The following UBR2 variants were observed in gnomAD, a reference collection of about 807,000 sequenced individuals.
The protein encoded by UBR2 is E3 ubiquitin-protein ligase UBR2.
UBR2 carries 92 observed loss-of-function variants against 247.9 expected under a neutral mutation model. That is an observed-to-expected ratio of 0.37 (90% CI 0.31 to 0.44). The LOEUF (loss-of-function observed/expected upper bound fraction) is 0.44, where lower values mean the gene tolerates loss of function less well. UBR2 is among the 20% of genes least tolerant of loss of function. The pLI is 1.00. For missense variants in UBR2, 1,613 were observed against 2,112.6 expected (o/e 0.76, Z 4.64); for synonymous variants, 672 against 693.5 (o/e 0.97, Z 0.49).
chr6:42,645,765 A>G (rs1205067914), intron 21 of UBR2, among the ~76,000 whole-genome samples, 175 bp downstream of exon 21: 2 of 152,240 alleles, frequency 1.3e-5, no homozygotes, highest in Non-Finnish European at 2.9e-5. Context: ...GAATAGGAGT[A>G]GAAAACAGAA....
chr6:42,644,681 C>G, intron 20 of UBR2, 145 bp downstream of exon 20: 1 of 662,948 alleles, frequency 1.5e-6, no homozygotes, highest in Non-Finnish European at 2.5e-6. Context: ...CTCTTTTTCT[C>G]CCCTCTGGTT....
intron 11 of UBR2, chr6:42,620,491 T>TG (rs775924293): frequency 0.079 from 10,113 of 127,238 alleles, 527 homozygotes; most frequent in South Asian, 0.14. Context: ...GTTTTTTTTT[T>TG]TTGTTTTTGT....
At position 42,659,680 on chromosome 6, in the gene UBR2, TAC is replaced by T; in HGVS notation, c.3269_3270del (p.Thr1090SerfsTer11). ...GCCCTGTGGCTTCAGATATGACACT[TAC>T]AGCACTGGGCCCCGCACAAACTCAG... ...HSPVASDMTLTALGPAQTQVP... is the reference protein window; with the variant it reads ...HSPVASDMTLXALGPAQTQVP... On this transcript the variant is annotated frameshift_variant, in exon 30 of 47. Coordinates refer to ENST00000372901, the MANE Select transcript of UBR2 (RefSeq NM_001363705.2). LOFTEE classifies it high-confidence loss of function. The surrounding 1 kb of genome is among the most constrained non-coding windows in gnomAD (Gnocchi z 4.3). The T allele has an allele frequency of 6.2e-7, 1 of 1,613,926 alleles. No individual in the cohort carries two copies. The highest frequency in any genetic ancestry group is 8.5e-7 in the Non-Finnish European group (1 of 1,179,910).
chr6:42,648,276 A>G, intron 22 of UBR2, 106 bp downstream of exon 22: 1 of 875,122 alleles, frequency 1.1e-6, no homozygotes, highest in East Asian at 2.5e-5. Context: ...TGCAGCTTTC[A>G]GAGATTGACA....
At chr6:42,650,066 G>A (rs1362465324) in intron 22 of UBR2, among the ~76,000 whole-genome samples, 1 of 152,206 alleles carries the variant, frequency 6.6e-6, no homozygotes, top group African/African-American at 2.4e-5. Context: ...ACGTTCACTT[G>A]TCTAGTTAGG....
In UBR2 at chr6:42,594,185, T is replaced by C. The variant is rs1792831475; in HGVS notation, c.418-6T>C. 1 of 1,607,310 alleles carries C rather than the reference T, an allele frequency of 6.2e-7. No homozygotes were observed. Among genetic ancestry groups the C allele is most frequent in the Middle Eastern group, 1.7e-4 (1 of 6,030 alleles). On this transcript the variant is annotated splice_region_variant and splice_polypyrimidine_tract_variant and intron_variant, in intron 3 of 46. Transcript: ENST00000372901. ...TTGACAAGATACTTTACAATTTTTT[T>C]CCAAGATGACAACATCAGGAGGTGG... is the stretch of plus-strand genomic sequence containing the variant.
At position 42,645,487 on chromosome 6, in the gene UBR2, T is replaced by C; in HGVS notation, c.2306T>C (p.Val769Ala). The C allele has an allele frequency of 6.2e-7, 1 of 1,613,788 alleles. No individual in the cohort carries two copies. The highest frequency in any genetic ancestry group is 8.5e-7 in the Non-Finnish European group (1 of 1,179,824). ...MLVGERFSPG[V>A]GQVNATDEIK... Reference sequence around the variant, plus strand: ...ACAGGAGAGAGATTTAGTCCTGGAGTTGGACAGGTAAATGCTACAGATGAA... The same window carrying C: ...ACAGGAGAGAGATTTAGTCCTGGAGCTGGACAGGTAAATGCTACAGATGAA... The change falls in exon 21 of 47, where the codon GTT becomes GCT. Residue 769 changes from valine (V) to alanine (A), a missense_variant. Physicochemically the swap from Val to Ala is moderately conservative, Grantham distance 64. Coordinates refer to ENST00000372901, the MANE Select transcript of UBR2 (RefSeq NM_001363705.2).
chr6:42,611,244 C>G (rs561017624), intron 7 of UBR2, among the ~76,000 whole-genome samples: 3 of 150,842 alleles, frequency 2.0e-5, no homozygotes, highest in Non-Finnish European at 4.4e-5. Context: ...GGGGGGATCA[C>G]GAGATCAAGA....
intron 4 of UBR2, among the ~76,000 whole-genome samples, chr6:42,597,966 TTTTG>T (rs1793100926): frequency 6.6e-6 from 1 of 152,060 alleles, no homozygotes; most frequent in Non-Finnish European, 1.5e-5. Context: ...TAAGATAGCA[TTTTG>T]TTTAACATAC....
At chr6:42,615,885 CTG>C in intron 9 of UBR2, 115 bp from the exon 10 acceptor site, 2 of 731,414 alleles carry the variant, frequency 2.7e-6, no homozygotes, top group Non-Finnish European at 4.3e-6. Flanking sequence ...CAGCAAGACA[CTG>C]TCTCAAAAGT....
intron 7 of UBR2, among the ~76,000 whole-genome samples, chr6:42,606,854 G>C (rs1349160931): frequency 6.6e-6 from 1 of 152,034 alleles, no homozygotes; most frequent in Non-Finnish European, 1.5e-5. Context: ...TGAGTATTTA[G>C]ATAAGATATA....
intron 4 of UBR2, among the ~76,000 whole-genome samples, chr6:42,599,589 A>T (rs964320639): frequency 2.6e-5 from 4 of 151,270 alleles, no homozygotes; most frequent in Non-Finnish European, 5.9e-5. Context: ...GAATTATTGC[A>T]TGGTTTGGGG....
At chr6:42,631,055 C>CA (rs1433694457) in intron 11 of UBR2, among the ~76,000 whole-genome samples, 5 of 152,334 alleles carry the variant, frequency 3.3e-5, no homozygotes, top group African/African-American at 9.6e-5. Flanking sequence ...CCGCCTGCCT[C>CA]AGCCTCCCAA....
In UBR2 at chr6:42,662,285, A is replaced by T. The variant is rs1288331084; in HGVS notation, c.3536+8A>T. 6.6e-6 allele frequency: 10 copies of T among 1,522,612 alleles called. No individual in the cohort carries two copies. The highest frequency in any genetic ancestry group is 8.1e-6 in the Non-Finnish European group (9 of 1,117,134). 94.3% of individuals were successfully genotyped at this position (1,522,612 alleles called of 1,614,324 possible). A position where few individuals can be genotyped will look rare whatever the true frequency, so the allele number is the denominator to read the frequency against. On this transcript the variant is annotated splice_region_variant and intron_variant, in intron 31 of 46. Coordinates refer to ENST00000372901, the MANE Select transcript of UBR2 (RefSeq NM_001363705.2). ...TGCCCATTGTTGGCAAAGGTAATGT[A>T]TATTCTTAATATTTGTCAAGAGAAG...
At chr6:42,670,324 T>C in intron 35 of UBR2, 84 bp downstream of exon 35, 1 of 1,510,416 alleles carries the variant, frequency 6.6e-7, no homozygotes, top group South Asian at 1.2e-5. Flanking sequence ...TTAAATGAAA[T>C]GTTTGAAGTG....
intron 8 of UBR2, among the ~76,000 whole-genome samples, chr6:42,614,375 T>TACATACATAC (rs70990112): frequency 2.9e-4 from 20 of 69,736 alleles, no homozygotes; most frequent in Non-Finnish European, 4.2e-4. Flanking sequence ...TGTGTATGTG[T>TACATACATAC]GTATATATGT....
rs1792830602 is a variant in UBR2, at chr6:42,594,176, C to T, written c.418-15C>T. On this transcript the variant is annotated splice_polypyrimidine_tract_variant and intron_variant, in intron 3 of 46. Transcript: ENST00000372901. Reference sequence around the variant, plus strand: ...AAATATTTATTGACAAGATACTTTACAATTTTTTTCCAAGATGACAACATC... The same window carrying T: ...AAATATTTATTGACAAGATACTTTATAATTTTTTTCCAAGATGACAACATC... The T allele has an allele frequency of 3.5e-5, 56 of 1,597,382 alleles. No homozygotes were observed. The highest frequency in any genetic ancestry group is 4.8e-5 in the Non-Finnish European group (56 of 1,168,222).
At chr6:42,607,598 T>C (rs1793785002) in intron 7 of UBR2, among the ~76,000 whole-genome samples, 1 of 151,584 alleles carries the variant, frequency 6.6e-6, no homozygotes, top group African/African-American at 2.4e-5. Flanking sequence ...CACTGCAACC[T>C]CTGCCTCCTG....
intron 10 of UBR2, among the ~76,000 whole-genome samples, chr6:42,616,788 A>G (rs1794585019): frequency 2.0e-5 from 3 of 152,186 alleles, no homozygotes; most frequent in Non-Finnish European, 4.4e-5. Flanking sequence ...GAGCTCTTTC[A>G]AAATACATGT....
Sources: gnomAD v4.1 joint callset for allele counts (sites outside exome capture counted in the v4.1 genomes callset) on GRCh38, gnomAD v4.1.1 for gene constraint, Gnocchi (gnomAD v3.1) non-coding constraint, MANE v1.5 for transcripts, NCBI Gene and HGNC (gene_info 2026-07-23, HGNC 2026-07-21) for gene names.